Variants in ANO2 observed in about 807,000 individuals in gnomAD.
ANO2 encodes the protein anoctamin-2.
In ANO2, 101 loss-of-function variants were observed where a neutral mutation model predicts 124.2. The ratio of observed to expected loss-of-function variants is 0.81; its 90% CI spans 0.69 to 0.96. ANO2 has a LOEUF of 0.96. Ranked by LOEUF, ANO2 falls within the 40% of genes least tolerant of loss-of-function variation. The pLI, the probability that ANO2 is intolerant of heterozygous loss-of-function variation, is 0.00. For synonymous variants in ANO2, 486 were observed against 482.5 expected (o/e 1.01, Z -0.09); for missense variants, 1,293 against 1,274.5 (o/e 1.01, Z -0.22).
intron 10 of ANO2, among the ~76,000 whole-genome samples, chr12:5,776,411 T>G (rs1324037102): frequency 1.3e-5 from 2 of 152,222 alleles, no homozygotes; most frequent in Admixed American, 6.5e-5. Context: ...TGAAAGTACC[T>G]CAAGGACTTA....
intron 10 of ANO2, among the ~76,000 whole-genome samples, chr12:5,771,799 T>C (rs907070201): frequency 5.3e-5 from 8 of 152,162 alleles, no homozygotes; most frequent in Non-Finnish European, 1.2e-4. Flanking sequence ...ACAGAATTCT[T>C]CATTGAATGG....
chr12:5,831,307 G>A (rs1954145749), intron 5 of ANO2, among the ~76,000 whole-genome samples: 1 of 152,226 alleles, frequency 6.6e-6, no homozygotes, highest in Non-Finnish European at 1.5e-5. Context: ...GTTGGGAAGA[G>A]CAGAATATCC....
intron 14 of ANO2, among the ~76,000 whole-genome samples, chr12:5,722,658 C>T (rs995826398): frequency 3.9e-5 from 6 of 152,146 alleles, no homozygotes; most frequent in African/African-American, 1.4e-4. Context: ...TCCTATGGCA[C>T]CCTGGGGTGT....
At chr12:5,631,225 G>C (rs1945703477) in intron 16 of ANO2, among the ~76,000 whole-genome samples, 1 of 152,218 alleles carries the variant, frequency 6.6e-6, no homozygotes, top group Admixed American at 6.5e-5. Context: ...CCAATGAATA[G>C]TGTGGATAAG....
chr12:5,604,710 A>G (rs932746793), intron 19 of ANO2, among the ~76,000 whole-genome samples: 6 of 152,116 alleles, frequency 3.9e-5, no homozygotes, highest in African/African-American at 1.4e-4. Flanking sequence ...TATCATTCCC[A>G]GATTTCCTCC....
At chr12:5,891,714 T>C (rs1425221814) in intron 3 of ANO2, among the ~76,000 whole-genome samples, 5 of 152,346 alleles carry the variant, frequency 3.3e-5, no homozygotes, top group Admixed American at 6.5e-5. Flanking sequence ...ATAGCATCCA[T>C]AGGATAGACT....
intron 4 of ANO2, among the ~76,000 whole-genome samples, chr12:5,840,021 G>A (rs772338306): frequency 1.6e-4 from 24 of 151,966 alleles, no homozygotes; most frequent in African/African-American, 2.2e-4. Flanking sequence ...TCTTTACTTC[G>A]GCAGGATTCA....
intron 7 of ANO2, among the ~76,000 whole-genome samples, chr12:5,817,833 C>CATCT (rs1289642214): frequency 6.6e-6 from 1 of 152,158 alleles, no homozygotes; most frequent in South Asian, 2.1e-4. Context: ...GGCTGCAAGT[C>CATCT]ATCTATATAG....
At chr12:5,726,247 C>T (rs1950433725) in intron 14 of ANO2, among the ~76,000 whole-genome samples, 1 of 152,184 alleles carries the variant, frequency 6.6e-6, no homozygotes, top group South Asian at 2.1e-4. Context: ...TCCCTACTGT[C>T]TGTTGAACTC....
chr12:5,945,229 A>T lies in ANO2; in HGVS notation c.-12T>A, dbSNP rs6489680. On this transcript the variant is annotated 5_prime_UTR_variant, in exon 1 of 25. Transcript: ENST00000682330. ...CCGGGAGTCGCCATGATGTGGACGC[A>T]GACCCCGCCGGCCCGCGGCCGCGCG... The T allele has an allele frequency of 7.8e-7, 1 of 1,286,380 alleles. No individual in the cohort carries two copies. Among genetic ancestry groups the T allele is most frequent in the East Asian group, 5.6e-5 (1 of 17,794 alleles). The allele number at this position is 1,286,380 out of a possible 1,614,324, so 79.7% of individuals were successfully genotyped here.
intron 13 of ANO2, among the ~76,000 whole-genome samples, chr12:5,733,757 A>G (rs983704534): frequency 6.6e-6 from 1 of 152,260 alleles, no homozygotes; most frequent in Non-Finnish European, 1.5e-5. Flanking sequence ...AGGGGACGTC[A>G]GTCCCACCCC....
chr12:5,780,465 A>C (rs1366855309), intron 10 of ANO2, among the ~76,000 whole-genome samples: 1 of 152,240 alleles, frequency 6.6e-6, no homozygotes, highest in Non-Finnish European at 1.5e-5. Context: ...CCTGGCCTCC[A>C]AACAGCAACG....
At chr12:5,944,801 T>G (rs1360911382) in intron 1 of ANO2, among the ~76,000 whole-genome samples, 2 of 152,040 alleles carry the variant, frequency 1.3e-5, no homozygotes, top group Non-Finnish European at 2.9e-5. Flanking sequence ...TTAAACCCAG[T>G]CCGGCTGGTT....
At chr12:5,919,750 T>C (rs1053617927) in intron 3 of ANO2, among the ~76,000 whole-genome samples, 21 of 151,308 alleles carry the variant, frequency 1.4e-4, no homozygotes, top group Middle Eastern at 6.9e-3. Flanking sequence ...CAGGCTGGAG[T>C]GCAGTGGCGC....
At chr12:5,744,048 A>C in intron 12 of ANO2, 109 bp downstream of exon 12, 1 of 1,345,460 alleles carries the variant, frequency 7.4e-7, no homozygotes, top group Non-Finnish European at 1.0e-6. Context: ...TGTGATGGGA[A>C]GAAAAAATGC....
chr12:5,705,122 G>A (rs1483612195), intron 14 of ANO2, among the ~76,000 whole-genome samples: 2 of 152,070 alleles, frequency 1.3e-5, no homozygotes, highest in African/African-American at 2.4e-5. Flanking sequence ...CCGCTTAGTC[G>A]GCATATAGGA....
chr12:5,772,901 G>T (rs1268177352), intron 10 of ANO2, among the ~76,000 whole-genome samples: 1 of 152,248 alleles, frequency 6.6e-6, no homozygotes, highest in African/African-American at 2.4e-5. Context: ...CTGTCAAGAA[G>T]GGGGTTTGTG....
At position 5,635,464 on chromosome 12, in the gene ANO2, T is replaced by C. The variant is rs1945966167; in HGVS notation, c.1621-117A>G. The C allele has an allele frequency of 1.1e-6, 1 of 879,434 alleles. No individual in the cohort carries two copies. Among genetic ancestry groups the C allele is most frequent in the African/African-American group, 1.7e-5 (1 of 57,818 alleles). The allele number at this position is 879,434 out of a possible 1,614,324, so 54.5% of individuals were successfully genotyped here. On this transcript the variant is annotated intron_variant, in intron 15 of 24. Coordinates refer to ENST00000682330, the MANE Select transcript of ANO2 (RefSeq NM_001364791.2). This position sits in a 1 kb window ranked among gnomAD's most constrained non-coding sequence, Gnocchi z 5.2. ...GATATTATTAATCTGGAATCTTTTG[T>C]TGGGTAACAAGGGATTCCAGATATT... is the stretch of plus-strand genomic sequence containing the variant.
At chr12:5,871,313 T>C (rs1937679119) in intron 3 of ANO2, among the ~76,000 whole-genome samples, 1 of 152,186 alleles carries the variant, frequency 6.6e-6, no homozygotes, top group African/African-American at 2.4e-5. Context: ...AATAATTTCT[T>C]AAAAACTGGG....
Sources: allele counts gnomAD v4.1 joint callset (sites outside exome capture counted in the v4.1 genomes callset), GRCh38; gene constraint gnomAD v4.1.1; non-coding constraint Gnocchi (gnomAD v3.1); transcripts MANE v1.5; gene names NCBI Gene and HGNC (gene_info 2026-07-23, HGNC 2026-07-21).